The following SPOCK3 variants were observed in gnomAD, a reference collection of about 807,000 sequenced individuals.
SPOCK3 encodes the protein testican-3.
In SPOCK3, 30 loss-of-function variants were observed where a neutral mutation model predicts 56.6. The observed-to-expected ratio is 0.53, with a 90% confidence interval of 0.40 to 0.72. The LOEUF (loss-of-function observed/expected upper bound fraction) is 0.72, where lower values mean the gene tolerates loss of function less well. Among genes scored for constraint, SPOCK3 ranks in the 30% least tolerant of loss-of-function variants. SPOCK3 has a pLI of 0.00. For missense variants in SPOCK3, 527 were observed against 530.0 expected (o/e 0.99, Z 0.06); for synonymous variants, 196 against 183.3 (o/e 1.07, Z -0.56).
chr4:166,869,958 C>T (rs1185360285), intron 6 of SPOCK3, among the ~76,000 whole-genome samples: 1 of 152,004 alleles, frequency 6.6e-6, no homozygotes, highest in Non-Finnish European at 1.5e-5. Context: ...GCTCCTGGGG[C>T]TACAATCAAA....
chr4:167,055,676 A>T (rs1754741289), intron 3 of SPOCK3, among the ~76,000 whole-genome samples: 1 of 152,190 alleles, frequency 6.6e-6, no homozygotes, highest in Admixed American at 6.5e-5. Context: ...AGAGGGTCCT[A>T]CGCCCACGGA....
chr4:167,118,359 C>T (rs958842604), intron 2 of SPOCK3, among the ~76,000 whole-genome samples: 1 of 152,064 alleles, frequency 6.6e-6, no homozygotes, highest in Non-Finnish European at 1.5e-5. Flanking sequence ...ACTTTTCTTT[C>T]GGTTACTGCT....
At chr4:167,224,253 T>C (rs1736368326) in intron 2 of SPOCK3, among the ~76,000 whole-genome samples, 1 of 152,092 alleles carries the variant, frequency 6.6e-6, no homozygotes, top group South Asian at 2.1e-4. Context: ...TTAAACTTAA[T>C]TACCATAGTT....
chr4:167,089,572 G>A (rs1372307670), intron 2 of SPOCK3, among the ~76,000 whole-genome samples: 1 of 151,900 alleles, frequency 6.6e-6, no homozygotes, highest in African/African-American at 2.4e-5. Context: ...CAGTATATTG[G>A]GGAATTTTTA....
At chr4:166,842,573 G>A (rs1333571794) in intron 6 of SPOCK3, among the ~76,000 whole-genome samples, 2 of 152,184 alleles carry the variant, frequency 1.3e-5, no homozygotes, top group African/African-American at 2.4e-5. Flanking sequence ...TAGACACAGA[G>A]TGCTGATTGG....
At chr4:167,121,409 T>A (rs1004913820) in intron 2 of SPOCK3, among the ~76,000 whole-genome samples, 3 of 151,756 alleles carry the variant, frequency 2.0e-5, no homozygotes, top group African/African-American at 7.3e-5. Context: ...TGTGTTATAG[T>A]ATTAGATGAG....
At chr4:166,937,472 A>G (rs1740547396) in intron 4 of SPOCK3, among the ~76,000 whole-genome samples, 2 of 148,588 alleles carry the variant, frequency 1.3e-5, no homozygotes, top group South Asian at 4.2e-4. Flanking sequence ...CCATACATCT[A>G]TGAGTTCTTG....
At chr4:166,858,618 A>G (rs532544148) in intron 6 of SPOCK3, among the ~76,000 whole-genome samples, 10 of 152,204 alleles carry the variant, frequency 6.6e-5, no homozygotes, top group African/African-American at 2.4e-4. Flanking sequence ...CTCCCTGCAA[A>G]TATGTTGTAT....
intron 2 of SPOCK3, among the ~76,000 whole-genome samples, chr4:167,170,710 T>C (rs1319910151): frequency 6.6e-6 from 1 of 152,184 alleles, no homozygotes. Context: ...TTTTTAAGTT[T>C]ACCTTTTCTT....
At chr4:166,755,358 G>C (rs1020217852) in intron 7 of SPOCK3, among the ~76,000 whole-genome samples, 1 of 152,096 alleles carries the variant, frequency 6.6e-6, no homozygotes, top group Non-Finnish European at 1.5e-5. Context: ...TGGTGCACTG[G>C]ATAGAGCAGG....
intron 3 of SPOCK3, among the ~76,000 whole-genome samples, chr4:167,027,528 TA>T (rs1561135440): frequency 6.6e-6 from 1 of 152,028 alleles, no homozygotes; most frequent in African/African-American, 2.4e-5. Flanking sequence ...ATTTAAAACA[TA>T]GGGGTGGGGA....
chr4:167,103,270 C>T (rs568255592), intron 2 of SPOCK3, among the ~76,000 whole-genome samples: 5 of 152,190 alleles, frequency 3.3e-5, no homozygotes, highest in African/African-American at 1.2e-4. Context: ...AGTTTGGCCA[C>T]AGTGGGACAG....
intron 8 of SPOCK3, among the ~76,000 whole-genome samples, chr4:166,743,895 G>A (rs2124450): frequency 0.79 from 120,149 of 152,040 alleles, 47,721 homozygotes; most frequent in South Asian, 0.82. Context: ...AGGCATCAGC[G>A]AGACTGGGGG....
intron 3 of SPOCK3, among the ~76,000 whole-genome samples, chr4:167,054,807 G>A (rs369659372): frequency 8.5e-5 from 13 of 152,112 alleles, no homozygotes; most frequent in African/African-American, 2.7e-4. Flanking sequence ...AGGTGTACAC[G>A]AACAATTAGT....
chr4:167,174,565 C>G (rs186739490), intron 2 of SPOCK3, among the ~76,000 whole-genome samples: 10 of 152,156 alleles, frequency 6.6e-5, no homozygotes, highest in Admixed American at 5.9e-4. Context: ...AAGGACCAGT[C>G]AGGTCAAACA....
intron 6 of SPOCK3, among the ~76,000 whole-genome samples, chr4:166,839,092 T>C (rs951868515): frequency 6.6e-6 from 1 of 152,176 alleles, no homozygotes; most frequent in Non-Finnish European, 1.5e-5. Flanking sequence ...TACTGAAACC[T>C]AGACATTTGG....
chr4:166,939,745 A>G (rs1174146487), intron 4 of SPOCK3, among the ~76,000 whole-genome samples: 1 of 152,218 alleles, frequency 6.6e-6, no homozygotes, highest in Non-Finnish European at 1.5e-5. Context: ...TCGAAACCAG[A>G]GTCTTGATCA....
intron 2 of SPOCK3, among the ~76,000 whole-genome samples, chr4:167,142,915 C>G (rs1763651303): frequency 6.6e-6 from 1 of 151,766 alleles, no homozygotes; most frequent in Non-Finnish European, 1.5e-5. Flanking sequence ...ACAAAACAAC[C>G]AGGTCCTCAT....
At chr4:166,914,595 A>T (rs1249211678) in intron 4 of SPOCK3, among the ~76,000 whole-genome samples, 1 of 152,088 alleles carries the variant, frequency 6.6e-6, no homozygotes, top group African/African-American at 2.4e-5. Flanking sequence ...ACATGGAGAA[A>T]TCCCGTCTCT....
Sources: gnomAD v4.1 joint callset for allele counts (sites outside exome capture counted in the v4.1 genomes callset) on GRCh38, gnomAD v4.1.1 for gene constraint, MANE v1.5 for transcripts, NCBI Gene and HGNC (gene_info 2026-07-23, HGNC 2026-07-21) for gene names.